The following CDC42BPG variants were observed in gnomAD, a reference collection of about 807,000 sequenced individuals.
The protein encoded by CDC42BPG is CDC42 binding protein kinase gamma.
A neutral mutation model predicts 192.2 loss-of-function variants in CDC42BPG; 157 were observed. That is an observed-to-expected ratio of 0.82 (90% CI 0.72 to 0.93). The LOEUF is 0.93. Ranked by LOEUF, CDC42BPG falls within the 40% of genes least tolerant of loss-of-function variation. The pLI, the probability that CDC42BPG is intolerant of heterozygous loss-of-function variation, is 0.00. For synonymous variants in CDC42BPG, 981 were observed against 918.5 expected, an observed-to-expected ratio of 1.07 and a Z score of -1.23; for missense variants, 1,992 against 2,122.1, an observed-to-expected ratio of 0.94 and a Z score of 1.20.
At position 64,833,244 on chromosome 11, in the gene CDC42BPG, G is replaced by T; in HGVS notation, c.2718C>A (p.Gly906=). ...GGGGACTCTCACCATCACAACCCAG[G>T]CCCTGGCGGCCCAGGCCCAGCATCA... is the stretch of plus-strand genomic sequence containing the variant. The part of the protein sequence containing the change: ...TSLMLGLGRQ[G]LGCDACGYFC... Residue 906 remains glycine, a synonymous_variant, in exon 24 of 37, where the codon GGC becomes GGA. Transcript: ENST00000342711. The T allele has an allele frequency of 6.5e-7, 1 of 1,549,008 alleles. No individual in the cohort carries two copies.
chr11:64,827,128 G>C lies in CDC42BPG; in HGVS notation c.4311C>G (p.Ile1437Met). 6.2e-7 allele frequency: 1 copy of C among 1,614,182 alleles called. No homozygotes were observed. Among genetic ancestry groups the C allele is most frequent in the Non-Finnish European group, 8.5e-7 (1 of 1,180,010 alleles). ...GGTGGTTGAAGTTGGTAGGCGGCGAGATGAGCTTGGAGCGCACAAAAGGGT... is the reference window on the plus strand; with the variant it reads ...GGTGGTTGAAGTTGGTAGGCGGCGACATGAGCTTGGAGCGCACAAAAGGGT... ...LKDPFVRSKL[I>M]SPPTNFNHLV... Residue 1437 changes from isoleucine to methionine, a missense_variant, in exon 34 of 37, where the codon ATC becomes ATG. Transcript: ENST00000342711.
rs1387091669 is a variant in CDC42BPG at position 64,831,554 on chromosome 11, G to A, written c.3255C>T (p.Tyr1085=). 7.4e-6 allele frequency: 12 copies of A among 1,612,204 alleles called. No homozygotes were observed. Among genetic ancestry groups the A allele is most frequent in the Middle Eastern group, 1.7e-4 (1 of 6,058 alleles). ...PRPVYTLKEA[Y]DNGLPLLPHT... ...GAGGCAGCAGCGGCAGCCCGTTGTC[G>A]TAAGCCTCCTTGAGTGTGTACACGG... Residue 1085 remains tyrosine (Y), a synonymous_variant, in exon 28 of 37, where the codon TAC becomes TAT. Coordinates refer to ENST00000342711, the MANE Select transcript of CDC42BPG (RefSeq NM_017525.3).
At chr11:64,830,852 T>C (rs768694964) in intron 28 of CDC42BPG, among the ~76,000 whole-genome samples, 4 of 152,356 alleles carry the variant, frequency 2.6e-5, no homozygotes, top group Non-Finnish European at 4.4e-5. Context: ...TGGGTGGTTC[T>C]ACAGCAGCTC....
At chr11:64,829,250 A>G (rs904681370) in intron 30 of CDC42BPG, among the ~76,000 whole-genome samples, 1 of 152,214 alleles carries the variant, frequency 6.6e-6, no homozygotes, top group Non-Finnish European at 1.5e-5. Context: ...AGATAGAAAC[A>G]AAAGGAGAGC....
intron 11 of CDC42BPG, 28 bp downstream of exon 11, chr11:64,836,711 G>GGGGGA: frequency 3.3e-6 from 2 of 608,686 alleles, no homozygotes; most frequent in East Asian, 3.9e-5. Flanking sequence ...AGCCCTGGGG[G>GGGGGA]GGGGGGGGGG....
chr11:64,834,551 C>G lies in CDC42BPG; in HGVS notation c.2202G>C (p.Leu734=), dbSNP rs757191093. ...GCCTGGCCGAGGCCTCCATCTTCTG[C>G]AGTCGCCGCGCCTTCCACTGGTGGT... ...PLDHQWKARR[L]QKMEASARLE... Residue 734 remains leucine, a synonymous_variant, in exon 19 of 37, where the codon CTG becomes CTC. Transcript: ENST00000342711. The G allele has an allele frequency of 3.8e-6, 6 of 1,581,874 alleles. No individual in the cohort carries two copies. Among genetic ancestry groups the G allele is most frequent in the Non-Finnish European group, 5.2e-6 (6 of 1,160,468 alleles).
Position 64,834,899 on chromosome 11 carries a change from G to A in CDC42BPG, c.2125C>T (p.Leu709=). ...QALATKMAEE[L]ESLRNVGTQT... ...GTGCCTACGTTCCTCAAGGACTCCA[G>A]CTCCTCTGCCATCTTGGTGGCCAGG... The change falls in exon 18 of 37, where the codon CTG becomes TTG. Residue 709 remains leucine, a synonymous_variant. Transcript: ENST00000342711. The A allele has an allele frequency of 6.2e-7, 1 of 1,614,084 alleles. No individual in the cohort carries two copies. Among genetic ancestry groups the A allele is most frequent in the South Asian group, 1.1e-5 (1 of 91,084 alleles).
Position 64,836,235 on chromosome 11 carries a change from CCCTGGGCCCTGCAGAGCTCCTGCT to C in CDC42BPG, c.1526_1549del (p.Glu509_Gln516del). ...CCTCTGAAGCAGCTCCTCCTGCTGC[CCCTGGGCCCTGCAGAGCTCCTGCT>C]CCTGAGCCTGCAGCCCTGCCCGACC... is the stretch of plus-strand genomic sequence containing the variant. On this transcript the variant is annotated inframe_deletion, in exon 13 of 37. Transcript: ENST00000342711. The C allele has an allele frequency of 6.2e-7, 1 of 1,600,554 alleles. No individual in the cohort carries two copies. Among genetic ancestry groups the C allele is most frequent in the South Asian group, 1.1e-5 (1 of 89,708 alleles).
rs1356325686 is a variant in CDC42BPG at position 64,833,315 on chromosome 11, G to A, written c.2647C>T (p.Pro883Ser). ...TTGGTCGGGGATGGGAAGCTCCGGG[G>A]GCGCAGCGTGTGTGAGCCGGGCTGG... ...PAKPGSHTLR[P>S]RSFPSPTKCL... is the part of the protein sequence containing the mutation. The change falls in exon 24 of 37, where the codon CCC becomes TCC. Residue 883 changes from proline to serine, a missense_variant. This residue lies in a region of CDC42BPG where 1,656 missense variants were observed against 1,844.3 expected (regional missense o/e 0.90). Transcript: ENST00000342711. 8 of 1,535,672 alleles carry A rather than the reference G, an allele frequency of 5.2e-6. No individual in the cohort carries two copies. The highest frequency in any genetic ancestry group is 6.1e-6 in the Non-Finnish European group (7 of 1,140,192).
Position 64,827,175 on chromosome 11 carries a change from C to CGGAGGTGTAAGTAGTGGGT in CDC42BPG, c.4272-27_4272-9dup. ...GGGTCCTTCAGCATCTCCCTGTGGG[C>CGGAGGTGTAAGTAGTGGGT]GGAGGTGTAAGTAGTGGGTGGCGAA... On this transcript the variant is annotated splice_polypyrimidine_tract_variant and intron_variant, in intron 33 of 36. Coordinates refer to ENST00000342711, the MANE Select transcript of CDC42BPG (RefSeq NM_017525.3). The CGGAGGTGTAAGTAGTGGGT allele has an allele frequency of 6.2e-7, 1 of 1,613,702 alleles. No homozygotes were observed. The highest frequency in any genetic ancestry group is 8.5e-7 in the Non-Finnish European group (1 of 1,179,646).
chr11:64,839,973 TG>T, intron 5 of CDC42BPG, 146 bp downstream of exon 5: 1 of 810,546 alleles, frequency 1.2e-6, no homozygotes, highest in Non-Finnish European at 1.9e-6. Context: ...CTCTTTGGTA[TG>T]ATTCCAAGGA....
rs201661209 is a variant in CDC42BPG at position 64,840,313 on chromosome 11, T to C, written c.433-45A>G. The C allele has an allele frequency of 4.2e-4, 673 of 1,596,820 alleles. 1 individual carries two copies. Among genetic ancestry groups the C allele is most frequent in the Non-Finnish European group, 4.3e-4 (503 of 1,173,698 alleles). ...ATCAGACCCGGGGGAAGGGTGCACC[T>C]GGCCACTTCACCGCGGTCCCGCAGG... On this transcript the variant is annotated intron_variant, in intron 4 of 36. Coordinates refer to ENST00000342711, the MANE Select transcript of CDC42BPG (RefSeq NM_017525.3).
In CDC42BPG at chr11:64,831,197, G is replaced by A. The variant is rs991610993; in HGVS notation, c.3304+308C>T. ...TGCACTGCTGAGCTCCAGCCTGGGC[G>A]ACCGAGCGAGACTCTGTCTCAAAAA... On this transcript the variant is annotated intron_variant, in intron 28 of 36. Coordinates refer to ENST00000342711, the MANE Select transcript of CDC42BPG (RefSeq NM_017525.3). Among the ~76,000 whole-genome samples the A allele has an allele frequency of 1.1e-4, 17 of 150,356 alleles. No homozygotes were observed. In the East Asian group the frequency reaches 2.7e-3, roughly 24 times the overall value.
In CDC42BPG at chr11:64,823,229, G is replaced by C. The variant is rs978892321; in HGVS notation, c.*1244C>G. 1.6e-4 allele frequency among the ~76,000 whole-genome samples: 24 copies of C among 152,084 alleles called. No individual in the cohort carries two copies. The highest frequency in any genetic ancestry group is 1.4e-3 in the Admixed American group (21 of 15,280). Reference sequence around the variant, plus strand: ...AGCCTCCCGAGTAGCAGGGACTACAGGCACCCGTCACCACGCCCGGCTAAT... The same window carrying C: ...AGCCTCCCGAGTAGCAGGGACTACACGCACCCGTCACCACGCCCGGCTAAT... On this transcript the variant is annotated 3_prime_UTR_variant, in exon 37 of 37. Coordinates refer to ENST00000342711, the MANE Select transcript of CDC42BPG (RefSeq NM_017525.3).
At position 64,839,204 on chromosome 11, in the gene CDC42BPG, C is replaced by A; in HGVS notation, c.705G>T (p.Pro235=). The change falls in exon 7 of 37, where the codon CCG becomes CCT. Residue 235 remains proline (P), a synonymous_variant. Transcript: ENST00000342711. ...MVDSSVAVGT[P]DYISPEILQA... is the part of the protein sequence containing the mutation. ...GCAGGATCTCAGGGGAGATATAGTC[C>A]GGCGTCCCTACTGCCACTGATGAAT... 1 of 1,613,264 alleles carries A rather than the reference C, an allele frequency of 6.2e-7. No homozygotes were observed. The highest frequency in any genetic ancestry group is 8.5e-7 in the Non-Finnish European group (1 of 1,180,040).
At chr11:64,843,878 G>A (rs1303923479) in intron 1 of CDC42BPG, among the ~76,000 whole-genome samples, 1 of 152,198 alleles carries the variant, frequency 6.6e-6, no homozygotes, top group Non-Finnish European at 1.5e-5. Flanking sequence ...GGGTGTGTGT[G>A]TTGGTGGGGG....
intron 26 of CDC42BPG, 37 bp from the exon 27 acceptor site, chr11:64,832,546 TCCCTGACTGCCC>T: frequency 6.2e-7 from 1 of 1,613,906 alleles, no homozygotes. Context: ...AATCTCCCTG[TCCCTGACTGCCC>T]CCCTTACCAC....
chr11:64,832,387 G>T (rs1207298432), intron 27 of CDC42BPG, 41 bp downstream of exon 27: 6 of 1,586,512 alleles, frequency 3.8e-6, no homozygotes, highest in Non-Finnish European at 5.2e-6. Flanking sequence ...ACAGCATGGG[G>T]AGGTGGATGG....
At chr11:64,844,118 G>T (rs1442411389) in intron 1 of CDC42BPG, among the ~76,000 whole-genome samples, 1 of 152,144 alleles carries the variant, frequency 6.6e-6, no homozygotes, top group African/African-American at 2.4e-5. Context: ...GACTCTAGGC[G>T]GTGCACTGGG....
Sources: gnomAD v4.1 joint callset for allele counts (sites outside exome capture counted in the v4.1 genomes callset) on GRCh38, gnomAD v4.1.1 for gene constraint, gnomAD v4.1.1 regional missense constraint, MANE v1.5 for transcripts, NCBI Gene and HGNC (gene_info 2026-07-23, HGNC 2026-07-21) for gene names.